The following MARCHF8 variants were observed in gnomAD, a reference collection of about 807,000 sequenced individuals.
The protein encoded by MARCHF8 is E3 ubiquitin-protein ligase MARCHF8.
MARCHF8 carries 40 observed loss-of-function variants against 51.6 expected under a neutral mutation model. The observed-to-expected ratio is 0.77, with a 90% CI of 0.60 to 1.01. The LOEUF is 1.01. Among genes scored for constraint, MARCHF8 ranks in the 50% least tolerant of loss-of-function variants. The pLI is 0.00. For synonymous variants in MARCHF8, 263 were observed against 280.3 expected (o/e 0.94, Z 0.62); for missense variants, 685 against 708.6 (o/e 0.97, Z 0.38).
intron 1 of MARCHF8, among the ~76,000 whole-genome samples, chr10:45,543,797 C>CAAAAAAAA (rs35514763): frequency 8.0e-5 from 4 of 49,734 alleles, no homozygotes; most frequent in East Asian, 7.2e-4. Flanking sequence ...GACTCCGTCT[C>CAAAAAAAA]AAAAAAAAAA....
intron 1 of MARCHF8, among the ~76,000 whole-genome samples, chr10:45,533,938 C>T (rs907983079): frequency 6.6e-6 from 1 of 152,218 alleles, no homozygotes; most frequent in Admixed American, 6.5e-5. Context: ...AATCCCAGCA[C>T]TTTGGGAGGC....
chr10:45,460,709 TG>T (rs1182603698), intron 6 of MARCHF8, among the ~76,000 whole-genome samples: 8 of 152,330 alleles, frequency 5.3e-5, no homozygotes, highest in African/African-American at 1.9e-4. Flanking sequence ...GCAATGCCTG[TG>T]GGTCCTTTCT....
intron 2 of MARCHF8, among the ~76,000 whole-genome samples, chr10:45,506,585 A>C (rs1403827115): frequency 1.3e-5 from 2 of 152,252 alleles, no homozygotes; most frequent in Non-Finnish European, 2.9e-5. Context: ...GAATTAACTA[A>C]TGAATATGCA....
In MARCHF8 at chr10:45,527,356, A is replaced by G. The variant is rs77509521; in HGVS notation, c.102+5754T>C. On this transcript the variant is annotated intron_variant, in intron 2 of 7. Coordinates refer to ENST00000453424, the MANE Select transcript of MARCHF8 (RefSeq NM_001282866.2). ...TTGCTTCACTGAAAAGATAAACAAA[A>G]TTGACAGCCTACTAGCTACATTAAC... Among the ~76,000 whole-genome samples, 573 of 152,282 alleles carry G rather than the reference A, an allele frequency of 3.8e-3. 12 individuals are homozygous for G. The East Asian group carries it at 0.052, about 14-fold the overall frequency.
intron 2 of MARCHF8, among the ~76,000 whole-genome samples, chr10:45,525,702 G>A (rs2043780665): frequency 6.6e-6 from 1 of 152,178 alleles, no homozygotes. Context: ...CATAAATCAT[G>A]TTGATAGTAT....
At position 45,459,281 on chromosome 10, in the gene MARCHF8, A is replaced by G; in HGVS notation, c.1270-14T>C. ...CAACTTCTCCCACTAGAAAGACAAC[A>G]CAGAGTGTGAGGCTCAGGCTTCTGG... is the stretch of plus-strand genomic sequence containing the variant. On this transcript the variant is annotated splice_polypyrimidine_tract_variant and intron_variant, in intron 6 of 7. Transcript: ENST00000453424. 1 of 1,613,272 alleles carries G rather than the reference A, an allele frequency of 6.2e-7. No individual in the cohort carries two copies. Among genetic ancestry groups the G allele is most frequent in the Non-Finnish European group, 8.5e-7 (1 of 1,179,720 alleles).
intron 2 of MARCHF8, among the ~76,000 whole-genome samples, chr10:45,520,976 T>C (rs963240010): frequency 5.3e-5 from 8 of 152,216 alleles, no homozygotes; most frequent in African/African-American, 1.7e-4. Flanking sequence ...CAAAGGTATA[T>C]TGCTTTCTAG....
chr10:45,506,999 T>C (rs1451240496), intron 2 of MARCHF8, among the ~76,000 whole-genome samples: 1 of 152,250 alleles, frequency 6.6e-6, no homozygotes, highest in Non-Finnish European at 1.5e-5. Context: ...CTCTTGAGAC[T>C]TGTACACAAT....
At chr10:45,590,716 C>T (rs574501236) in intron 1 of MARCHF8, among the ~76,000 whole-genome samples, 5 of 152,242 alleles carry the variant, frequency 3.3e-5, no homozygotes, top group South Asian at 4.1e-4. Flanking sequence ...ACATATACAA[C>T]GTAAAATAAC....
At chr10:45,591,786 A>G (rs938938706) in intron 1 of MARCHF8, among the ~76,000 whole-genome samples, 3 of 149,586 alleles carry the variant, frequency 2.0e-5, no homozygotes, top group Admixed American at 6.6e-5. Context: ...TAAATCCAGC[A>G]AAGTGTATGC....
Position 45,463,561 on chromosome 10 carries a change from T to C in MARCHF8, c.678A>G (p.Ser226=), listed in dbSNP as rs1369916720. ...SCVSCLSAGR[S]TASEVEAGKG... is the part of the protein sequence containing the mutation. Reference sequence around the variant, plus strand: ...TGCCAGCTTCCACCTCTGAGGCAGTTGAGCGACCGGCAGAAAGGCATGAAA... The same window carrying C: ...TGCCAGCTTCCACCTCTGAGGCAGTCGAGCGACCGGCAGAAAGGCATGAAA... Residue 226 remains serine (S), a synonymous_variant, in exon 5 of 8, where the codon TCA becomes TCG. Transcript: ENST00000453424. The C allele has an allele frequency of 5.8e-6, 9 of 1,550,526 alleles. No individual in the cohort carries two copies. In the African/African-American group the frequency reaches 1.2e-4, roughly 21 times the overall value.
At chr10:45,527,861 T>A (rs369359189) in intron 2 of MARCHF8, among the ~76,000 whole-genome samples, 8 of 152,220 alleles carry the variant, frequency 5.3e-5, no homozygotes, top group African/African-American at 1.9e-4. Context: ...AAGAAAATAC[T>A]AGCAAACCAA....
intron 3 of MARCHF8, among the ~76,000 whole-genome samples, chr10:45,478,925 A>G (rs911006077): frequency 8.5e-5 from 13 of 152,212 alleles, no homozygotes; most frequent in Admixed American, 5.2e-4. Context: ...AATTCTACCA[A>G]ACTTTCAAAG....
intron 1 of MARCHF8, among the ~76,000 whole-genome samples, chr10:45,581,125 G>A (rs529774109): frequency 3.1e-4 from 47 of 152,126 alleles, no homozygotes; most frequent in African/African-American, 9.9e-4. Context: ...TTCTCAACAG[G>A]GGCAGTTTAT....
chr10:45,582,246 G>A (rs2044564029), intron 1 of MARCHF8, among the ~76,000 whole-genome samples: 1 of 152,188 alleles, frequency 6.6e-6, no homozygotes, highest in Non-Finnish European at 1.5e-5. Context: ...CCCCTTCAAT[G>A]TTGGACAGGA....
intron 2 of MARCHF8, among the ~76,000 whole-genome samples, chr10:45,495,120 C>CAA (rs1200189431): frequency 2.4e-5 from 3 of 124,002 alleles, no homozygotes; most frequent in Admixed American, 8.2e-5. Context: ...AACTCCATCT[C>CAA]AAAAAAAAAA....
intron 3 of MARCHF8, among the ~76,000 whole-genome samples, chr10:45,464,626 A>G (rs920977605): frequency 3.9e-5 from 6 of 152,238 alleles, no homozygotes; most frequent in Non-Finnish European, 5.9e-5. Flanking sequence ...TTCATATATA[A>G]GTCAAAAAAC....
chr10:45,478,048 C>T (rs190530741), intron 3 of MARCHF8, among the ~76,000 whole-genome samples: 54 of 152,240 alleles, frequency 3.5e-4, no homozygotes, highest in African/African-American at 1.1e-3. Flanking sequence ...TTAAACTGCA[C>T]GTTAGGACAA....
intron 1 of MARCHF8, among the ~76,000 whole-genome samples, chr10:45,591,281 C>T (rs955872408): frequency 2.6e-5 from 4 of 152,200 alleles, no homozygotes; most frequent in Admixed American, 6.5e-5. Context: ...GTCTGGCCAA[C>T]ATGGTGAAAG....
Sources: allele counts gnomAD v4.1 joint callset (sites outside exome capture counted in the v4.1 genomes callset), GRCh38; gene constraint gnomAD v4.1.1; transcripts MANE v1.5; gene names NCBI Gene and HGNC (gene_info 2026-07-23, HGNC 2026-07-21).